The following TRABD2B variants were observed in gnomAD, a reference collection of about 807,000 sequenced individuals.
TRABD2B encodes the protein metalloprotease TIKI2.
In TRABD2B, 14 loss-of-function variants were observed where a neutral mutation model predicts 40.1. That is an observed-to-expected ratio of 0.35 (90% confidence interval 0.23 to 0.55). The LOEUF (loss-of-function observed/expected upper bound fraction) is 0.55, where lower values mean the gene tolerates loss of function less well. Among genes scored for constraint, TRABD2B ranks in the 20% least tolerant of loss-of-function variants. TRABD2B has a pLI of 0.90. For synonymous variants in TRABD2B, 263 were observed against 277.0 expected, an observed-to-expected ratio of 0.95 and a Z score of 0.50; for missense variants, 541 against 648.6, an observed-to-expected ratio of 0.83 and a Z score of 1.80.
At chr1:47,793,961 T>TATC (rs968220218) in intron 4 of TRABD2B, among the ~76,000 whole-genome samples, 6 of 152,214 alleles carry the variant, frequency 3.9e-5, no homozygotes, top group African/African-American at 1.4e-4. Context: ...TTATACTCAG[T>TATC]ATCATCATCA....
chr1:47,940,810 C>A (rs1191510221), intron 2 of TRABD2B, among the ~76,000 whole-genome samples: 2 of 152,212 alleles, frequency 1.3e-5, no homozygotes, highest in Non-Finnish European at 2.9e-5. Context: ...ATAAAGGCAG[C>A]AGTGTGGGGG....
intron 2 of TRABD2B, among the ~76,000 whole-genome samples, chr1:47,988,607 A>G (rs996247081): frequency 3.9e-5 from 6 of 152,154 alleles, no homozygotes; most frequent in South Asian, 2.1e-4. Flanking sequence ...CTCTGGACAA[A>G]TAGGTATCAG....
chr1:47,848,535 C>CT (rs1460508457), intron 2 of TRABD2B, among the ~76,000 whole-genome samples: 1 of 152,212 alleles, frequency 6.6e-6, no homozygotes, highest in African/African-American at 2.4e-5. Context: ...GCAAACGTGG[C>CT]TTCCAGCCCA....
chr1:47,913,108 C>T (rs540114206), intron 2 of TRABD2B, among the ~76,000 whole-genome samples: 52 of 152,286 alleles, frequency 3.4e-4, no homozygotes, highest in African/African-American at 1.2e-3. Flanking sequence ...TCTCTTTAGC[C>T]TCCACTCCAG....
At chr1:47,918,396 G>A (rs1644857513) in intron 2 of TRABD2B, among the ~76,000 whole-genome samples, 2 of 152,154 alleles carry the variant, frequency 1.3e-5, no homozygotes, top group South Asian at 2.1e-4. Context: ...CCCACCCTCC[G>A]AGTTACATGC....
intron 2 of TRABD2B, among the ~76,000 whole-genome samples, chr1:47,805,797 C>G (rs1215157533): frequency 6.6e-6 from 1 of 151,690 alleles, no homozygotes; most frequent in African/African-American, 2.4e-5. Flanking sequence ...TGAGGTAACT[C>G]TATTATTAGC....
At chr1:47,781,372 G>A (rs940973659) in intron 4 of TRABD2B, among the ~76,000 whole-genome samples, 3 of 152,194 alleles carry the variant, frequency 2.0e-5, no homozygotes, top group East Asian at 3.9e-4. Context: ...ACTGACTGCT[G>A]CGCGGCTGCT....
chr1:47,971,787 A>C (rs2148424785), intron 2 of TRABD2B, among the ~76,000 whole-genome samples: 1 of 152,330 alleles, frequency 6.6e-6, no homozygotes, highest in South Asian at 2.1e-4. Context: ...AATTCAGTTA[A>C]AGCAATCTGG....
chr1:47,921,580 C>T (rs1644902075), intron 2 of TRABD2B, among the ~76,000 whole-genome samples: 1 of 152,182 alleles, frequency 6.6e-6, no homozygotes, highest in Non-Finnish European at 1.5e-5. Flanking sequence ...CTGGATTATT[C>T]TATGTTTGTA....
rs1305631404 is a variant in TRABD2B, at chr1:47,760,759, A to C, written c.*5143T>G. Reference sequence around the variant, plus strand: ...AATCAACTCGGGGACAAGCTCTGTGAGGCTCAAGAATGGGGCAGGGGCTCT... The same window carrying C: ...AATCAACTCGGGGACAAGCTCTGTGCGGCTCAAGAATGGGGCAGGGGCTCT... On this transcript the variant is annotated 3_prime_UTR_variant, in exon 7 of 7. Transcript: ENST00000606738. 7.9e-5 allele frequency: 12 copies of C among 152,164 alleles called. No homozygotes were observed. The highest frequency in any genetic ancestry group is 7.9e-4 in the Admixed American group (12 of 15,268). The allele number at this position is 152,164 out of a possible 1,614,324, so 9.4% of individuals were successfully genotyped here.
intron 2 of TRABD2B, among the ~76,000 whole-genome samples, chr1:47,946,875 G>C (rs1645266365): frequency 6.6e-6 from 1 of 151,428 alleles, no homozygotes; most frequent in African/African-American, 2.4e-5. Flanking sequence ...GTTTGCTTCA[G>C]AGACTCAATT....
intron 2 of TRABD2B, among the ~76,000 whole-genome samples, chr1:47,914,875 G>A (rs539212392): frequency 1.5e-3 from 223 of 152,348 alleles, no homozygotes; most frequent in African/African-American, 5.1e-3. Context: ...TGAATGCTGG[G>A]GGGGCAAGGA....
At chr1:47,993,198 C>G (rs995480524) in intron 2 of TRABD2B, among the ~76,000 whole-genome samples, 3 of 152,154 alleles carry the variant, frequency 2.0e-5, no homozygotes, top group African/African-American at 4.8e-5. Context: ...TTGACAGCCC[C>G]GTTCTCAAGG....
At chr1:47,911,621 T>C (rs912838952) in intron 2 of TRABD2B, among the ~76,000 whole-genome samples, 2 of 152,230 alleles carry the variant, frequency 1.3e-5, no homozygotes, top group African/African-American at 4.8e-5. Flanking sequence ...CACATGGTCC[T>C]GCTCCAGGAG....
intron 2 of TRABD2B, among the ~76,000 whole-genome samples, chr1:47,906,012 A>AT (rs763165360): frequency 5.3e-5 from 8 of 152,056 alleles, no homozygotes; most frequent in Non-Finnish European, 8.8e-5. Flanking sequence ...GCCATGTCTC[A>AT]TTTTTTTATG....
chr1:47,862,194 A>T (rs1643983034), intron 2 of TRABD2B, among the ~76,000 whole-genome samples: 1 of 152,216 alleles, frequency 6.6e-6, no homozygotes, highest in Non-Finnish European at 1.5e-5. Flanking sequence ...CAAAGCAAGG[A>T]TGTCCTGTCT....
intron 2 of TRABD2B, among the ~76,000 whole-genome samples, chr1:47,950,415 A>T (rs1645325862): frequency 6.6e-6 from 1 of 152,212 alleles, no homozygotes; most frequent in South Asian, 2.1e-4. Context: ...CACACATCAG[A>T]AGAGAGCTCT....
rs76201527 is a variant in TRABD2B, at chr1:47,859,359, T to C, written c.667-57740A>G. ...TAACCAGGTACTCACCTGGCCTTTG[T>C]GGTTCATCTGAGCTCCAGTTGGACC... is the stretch of plus-strand genomic sequence containing the variant. On this transcript the variant is annotated intron_variant, in intron 2 of 6. Coordinates refer to ENST00000606738, the MANE Select transcript of TRABD2B (RefSeq NM_001194986.2). Among the ~76,000 whole-genome samples the C allele has an allele frequency of 5.9e-3, 905 of 152,332 alleles. 13 individuals are homozygous for C. The highest frequency in any genetic ancestry group is 0.02 in the African/African-American group (840 of 41,574).
intron 2 of TRABD2B, among the ~76,000 whole-genome samples, chr1:47,870,829 G>A (rs1644130342): frequency 6.6e-6 from 1 of 152,114 alleles, no homozygotes; most frequent in African/African-American, 2.4e-5. Context: ...AGGGAGGATG[G>A]GTCAGTTTGA....
Sources: allele counts gnomAD v4.1 joint callset (sites outside exome capture counted in the v4.1 genomes callset), GRCh38; gene constraint gnomAD v4.1.1; transcripts MANE v1.5; gene names NCBI Gene and HGNC (gene_info 2026-07-23, HGNC 2026-07-21).